ZNF560: variants seen among roughly 807,000 people sequenced by gnomAD.
The protein encoded by ZNF560 is zinc finger protein 560.
ZNF560 carries 54 observed loss-of-function variants against 81.8 expected under a neutral mutation model. The observed-to-expected ratio is 0.66, with a 90% CI of 0.53 to 0.83. The LOEUF is 0.83. Ranked by LOEUF, ZNF560 falls within the 40% of genes least tolerant of loss-of-function variation. The pLI is 0.00. For synonymous variants in ZNF560, 321 were observed against 317.9 expected (o/e 1.01, Z -0.10); for missense variants, 940 against 932.4 (o/e 1.01, Z -0.11).
rs199938653 is a variant in ZNF560, at chr19:9,467,833, C to G, written c.1114G>C (p.Gly372Arg). ...TGCTTACATTTATAAGGTTTTATCC[C>G]AATGTGGGTTTGCATGTGATTATTA... is the stretch of plus-strand genomic sequence containing the variant. The part of the protein sequence containing the change: ...HLNNHMQTHI[G>R]IKPYKCKHCG... Residue 372 changes from glycine to arginine, a missense_variant, in exon 10 of 10, where the codon GGG becomes CGG. Gly to Arg is a moderately radical substitution (Grantham distance 125, BLOSUM62 -2). Coordinates refer to ENST00000301480, the MANE Select transcript of ZNF560 (RefSeq NM_152476.3). 1.1e-5 allele frequency: 18 copies of G among 1,614,158 alleles called. No individual in the cohort carries two copies. The Admixed American group carries it at 2.0e-4, about 18-fold the overall frequency.
intron 6 of ZNF560, 122 bp from the exon 7 acceptor site, chr19:9,470,640 C>T: frequency 7.3e-7 from 1 of 1,378,366 alleles, no homozygotes; most frequent in South Asian, 1.3e-5. Flanking sequence ...ATCTACACCC[C>T]AAGGTTCAGT....
intron 2 of ZNF560, among the ~76,000 whole-genome samples, chr19:9,484,330 T>C (rs2073351478): frequency 6.6e-6 from 1 of 151,776 alleles, no homozygotes; most frequent in African/African-American, 2.4e-5. Context: ...TGAAAGCCAT[T>C]GCACTAGAGC....
rs1251119392 is a variant in ZNF560 at position 9,474,324 on chromosome 19, T to C, written c.32A>G (p.Tyr11Cys). 1 of 1,610,276 alleles carries C rather than the reference T, an allele frequency of 6.2e-7. No individual in the cohort carries two copies. Among genetic ancestry groups the C allele is most frequent in the Admixed American group, 1.7e-5 (1 of 59,674 alleles). MAYCLTNCYQ[Y>C]SVTFEDTAVD... is the part of the protein sequence containing the mutation. ...AGCTGTATCCTCAAAGGTCACGGAG[T>C]ACTAAACCATCACATACATGTTGAT... The change falls in exon 4 of 10, where the codon TAC becomes TGC. Residue 11 changes from tyrosine (Y) to cysteine (C), a missense_variant and splice_region_variant. By Grantham distance (194) the Tyr-to-Cys change is radical (BLOSUM62 -2). Transcript: ENST00000301480.
chr19:9,469,772 A>C, intron 7 of ZNF560, 62 bp from the exon 8 acceptor site: 1 of 1,396,344 alleles, frequency 7.2e-7, no homozygotes, highest in African/African-American at 1.4e-5. Flanking sequence ...AAACTTTTCC[A>C]TGAAACAGGG....
intron 2 of ZNF560, among the ~76,000 whole-genome samples, chr19:9,493,975 A>C (rs1020955286): frequency 6.6e-6 from 1 of 151,766 alleles, no homozygotes; most frequent in Non-Finnish European, 1.5e-5. Flanking sequence ...TCTACTAAAA[A>C]TACAAAAATT....
Position 9,466,561 on chromosome 19 carries a change from A to G in ZNF560, c.*13T>C. 1 of 1,561,550 alleles carries G rather than the reference A, an allele frequency of 6.4e-7. No homozygotes were observed. Among genetic ancestry groups the G allele is most frequent in the Non-Finnish European group, 8.7e-7 (1 of 1,154,868 alleles). ...AGGTTTTTCCACATTCTTCACATCCACAGGGCTTCTCTCTAGTGTGTTTTC... is the reference window on the plus strand; with the variant it reads ...AGGTTTTTCCACATTCTTCACATCCGCAGGGCTTCTCTCTAGTGTGTTTTC... On this transcript the variant is annotated 3_prime_UTR_variant, in exon 10 of 10. Coordinates refer to ENST00000301480, the MANE Select transcript of ZNF560 (RefSeq NM_152476.3).
At chr19:9,490,661 T>C (rs1460949613) in intron 2 of ZNF560, among the ~76,000 whole-genome samples, 1 of 152,220 alleles carries the variant, frequency 6.6e-6, no homozygotes, top group Non-Finnish European at 1.5e-5. Context: ...AGTTGTTCTG[T>C]TCCAATTATA....
At chr19:9,470,795 C>T (rs1453930573) in intron 6 of ZNF560, among the ~76,000 whole-genome samples, 1 of 152,204 alleles carries the variant, frequency 6.6e-6, no homozygotes, top group Admixed American at 6.5e-5. Flanking sequence ...CTGCAAAACA[C>T]TCCTGAGCAC....
chr19:9,484,193 C>T (rs969603439), intron 2 of ZNF560, among the ~76,000 whole-genome samples: 2 of 151,982 alleles, frequency 1.3e-5, no homozygotes, highest in Non-Finnish European at 1.5e-5. Context: ...AAACCAGAGA[C>T]CTTTGTTCAC....
intron 4 of ZNF560, 116 bp from the exon 5 acceptor site, chr19:9,473,375 G>A (rs1417656050): frequency 9.3e-5 from 65 of 699,306 alleles, no homozygotes; most frequent in Non-Finnish European, 2.4e-5. Flanking sequence ...GAAGTCAGGA[G>A]TTCAAGATCA....
At chr19:9,501,907 C>T (rs540945826), upstream of ZNF560, among the ~76,000 whole-genome samples, 97 of 152,054 alleles carry the variant, frequency 6.4e-4, no homozygotes, top group Admixed American at 6.3e-3. Flanking sequence ...AATGCCAGCA[C>T]TTTGGGAGAC....
rs1299240742 is a variant in ZNF560, at chr19:9,467,148, T to C, written c.1799A>G (p.Tyr600Cys). ...HLRRHSGEKPYECKKCGKAFT... is the reference protein window; with the variant it reads ...HLRRHSGEKPCECKKCGKAFT... ...GGCTTTTCCACATTTCTTACATTCA[T>C]ATGGCTTCTCTCCACTGTGTCTTCG... The change falls in exon 10 of 10, where the codon TAT (tyrosine) becomes TGT (cysteine). Residue 600 changes from tyrosine to cysteine, a missense_variant. Transcript: ENST00000301480. 2.5e-6 allele frequency: 4 copies of C among 1,614,074 alleles called. No individual in the cohort carries two copies. The highest frequency in any genetic ancestry group is 1.7e-5 in the Admixed American group (1 of 60,028).
In ZNF560 at chr19:9,470,483, G is replaced by A; in HGVS notation, c.357C>T (p.Phe119=). ...LVTFDSVAVE[F]TQEEWTLLDP... is the part of the protein sequence containing the mutation. ...CCAGTAAAGTCCACTCTTCCTGGGT[G>A]AACTCCACAGCCACACTGTCAAAGG... Residue 119 remains phenylalanine, a synonymous_variant, in exon 7 of 10, where the codon TTC becomes TTT. Transcript: ENST00000301480. 6.2e-7 allele frequency: 1 copy of A among 1,614,156 alleles called. No homozygotes were observed. Among genetic ancestry groups the A allele is most frequent in the Non-Finnish European group, 8.5e-7 (1 of 1,180,026 alleles).
rs1209472417 is a variant in ZNF560, at chr19:9,474,127, A to G, written c.157+72T>C. The G allele has an allele frequency of 5.1e-6, 8 of 1,572,426 alleles. No individual in the cohort carries two copies. In the South Asian group the frequency reaches 7.8e-5, roughly 15 times the overall value. On this transcript the variant is annotated intron_variant, in intron 4 of 9. Transcript: ENST00000301480. ...GGTGAATTCAGTGTTGAACAAACCAATTCTGGAACACAGCAAGTACACAAT... is the reference window on the plus strand; with the variant it reads ...GGTGAATTCAGTGTTGAACAAACCAGTTCTGGAACACAGCAAGTACACAAT...
At chr19:9,495,487 C>A (rs1251913656) in intron 2 of ZNF560, among the ~76,000 whole-genome samples, 1 of 152,226 alleles carries the variant, frequency 6.6e-6, no homozygotes, top group Non-Finnish European at 1.5e-5. Context: ...GGGCCAATCA[C>A]TTGATGCCAG....
Position 9,471,500 on chromosome 19 carries a change from C to T in ZNF560, c.239-122G>A, listed in dbSNP as rs1227564387. ...AAAATAAACATAAGAAAAAAGAAAG[C>T]TAAATTGAACATTTAGACTGTGTCA... On this transcript the variant is annotated intron_variant, in intron 5 of 9. Coordinates refer to ENST00000301480, the MANE Select transcript of ZNF560 (RefSeq NM_152476.3). The T allele has an allele frequency of 6.0e-6, 4 of 670,004 alleles. No individual in the cohort carries two copies. In the East Asian group the frequency reaches 9.5e-5, roughly 16 times the overall value. The allele number at this position is 670,004 out of a possible 1,614,324, so 41.5% of individuals were successfully genotyped here. A position where few individuals can be genotyped will look rare whatever the true frequency, so the allele number is the denominator to read the frequency against.
At position 9,467,671 on chromosome 19, in the gene ZNF560, G is replaced by T. The variant is rs775381484; in HGVS notation, c.1276C>A (p.His426Asn). Residue 426 changes from histidine to asparagine, a missense_variant, in exon 10 of 10, where the codon CAC (histidine) becomes AAC (asparagine). His to Asn is a moderately conservative substitution (Grantham distance 68). Coordinates refer to ENST00000301480, the MANE Select transcript of ZNF560 (RefSeq NM_152476.3). ...CATTTAAAGGTTTTCTCTCTGGCGTGACATCTTATATGTTCAATAAGGCCT... is the reference window on the plus strand; with the variant it reads ...CATTTAAAGGTTTTCTCTCTGGCGTTACATCTTATATGTTCAATAAGGCCT... ...SAGLIEHIRCHAREKTFKCDH... is the reference protein window; with the variant it reads ...SAGLIEHIRCNAREKTFKCDH... 6 of 1,613,924 alleles carry T rather than the reference G, an allele frequency of 3.7e-6. No homozygotes were observed. In the South Asian group the frequency reaches 6.6e-5, roughly 18 times the overall value.
chr19:9,505,126 A>G, the ZNF560 span, among the ~76,000 whole-genome samples: 4 of 152,188 alleles, frequency 2.6e-5, no homozygotes, highest in Non-Finnish European at 5.9e-5. Context: ...GAGTCTCATT[A>G]TGTTGCTTAC....
At chr19:9,471,400 A>T (rs878952217) in intron 5 of ZNF560, 22 bp from the exon 6 acceptor site, 4 of 1,441,654 alleles carry the variant, frequency 2.8e-6, no homozygotes, top group Non-Finnish European at 3.7e-6. Flanking sequence ...ACATAAACTG[A>T]GGTTTTTTTT....
Sources: gnomAD v4.1 joint callset for allele counts (sites outside exome capture counted in the v4.1 genomes callset) on GRCh38, gnomAD v4.1.1 for gene constraint, MANE v1.5 for transcripts, NCBI Gene and HGNC (gene_info 2026-07-23, HGNC 2026-07-21) for gene names.